The following SMOC1 variants were observed in gnomAD, a reference collection of about 807,000 sequenced individuals.
The protein encoded by SMOC1 is SPARC related modular calcium binding 1, also known as SPARC-related modular calcium-binding protein 1.
A neutral mutation model predicts 56.3 loss-of-function variants in SMOC1; 22 were observed. That is an observed-to-expected ratio of 0.39 (90% CI 0.28 to 0.56). SMOC1 has a LOEUF of 0.56. Among genes scored for constraint, SMOC1 ranks in the 20% least tolerant of loss-of-function variants. The probability of loss-of-function intolerance (pLI) is 0.61; values close to 1 mark genes in which losing one functional copy is unlikely to be tolerated. For synonymous variants in SMOC1, 193 were observed against 215.0 expected (o/e 0.90, Z 0.89); for missense variants, 509 against 565.4 (o/e 0.90, Z 1.01).
chr14:69,897,470 C>T (rs1884129322), intron 1 of SMOC1, among the ~76,000 whole-genome samples: 1 of 151,742 alleles, frequency 6.6e-6, no homozygotes, highest in Non-Finnish European at 1.5e-5. Flanking sequence ...GTTCTTTCTG[C>T]CTATTTTTCT....
intron 3 of SMOC1, among the ~76,000 whole-genome samples, chr14:69,954,446 G>A (rs1437723720): frequency 6.6e-6 from 1 of 152,174 alleles, no homozygotes; most frequent in Non-Finnish European, 1.5e-5. Context: ...TAGGATTATA[G>A]TGTGAACCAT....
chr14:70,030,556 A>AG lies in SMOC1; in HGVS notation c.*301dup. ...TTAGAGGGTTTTGGGGGGGTGGGGG[A>AG]GGGTGTTGTTGGGGCTGAGAAGAAA... On this transcript the variant is annotated 3_prime_UTR_variant, in exon 12 of 12. Transcript: ENST00000361956. 2 of 190,228 alleles carry AG rather than the reference A, an allele frequency of 1.1e-5. No homozygotes were observed. The highest frequency in any genetic ancestry group is 9.5e-5 in the South Asian group (1 of 10,486). The allele number at this position is 190,228 out of a possible 1,614,324, so 11.8% of individuals were successfully genotyped here. A position where few individuals can be genotyped will look rare whatever the true frequency, so the allele number is the denominator to read the frequency against.
chr14:70,018,102 G>A (rs544297106), intron 10 of SMOC1, among the ~76,000 whole-genome samples: 3 of 152,150 alleles, frequency 2.0e-5, no homozygotes, highest in Non-Finnish European at 2.9e-5. Flanking sequence ...CCCAGCTGGT[G>A]CCAGGCCCTG....
intron 3 of SMOC1, among the ~76,000 whole-genome samples, chr14:69,964,380 C>CT (rs57468516): frequency 0.37 from 51,392 of 139,002 alleles, 9,850 homozygotes; most frequent in African/African-American, 0.42. Context: ...CTCTGGTATT[C>CT]TTTTTTTTTT....
At chr14:69,926,307 A>C (rs1885010862) in intron 1 of SMOC1, among the ~76,000 whole-genome samples, 1 of 152,208 alleles carries the variant, frequency 6.6e-6, no homozygotes, top group South Asian at 2.1e-4. Context: ...AGGGCCAATC[A>C]ATCAGCTGCC....
intron 3 of SMOC1, among the ~76,000 whole-genome samples, chr14:69,960,757 A>G (rs1269069056): frequency 1.3e-5 from 2 of 152,168 alleles, no homozygotes; most frequent in Non-Finnish European, 2.9e-5. Context: ...TATTTAGCAC[A>G]TAATTGTTGC....
rs1237994186 is a variant in SMOC1 at position 70,031,889 on chromosome 14, A to T, written c.*1631A>T. ...GCCTCATCTTGTATTCCAACCCGAC[A>T]TCCCTAAAAGTACCTCCACCCGTTC... On this transcript the variant is annotated 3_prime_UTR_variant, in exon 12 of 12. Transcript: ENST00000361956. 6.6e-6 allele frequency: 1 copy of T among 152,406 alleles called. No individual in the cohort carries two copies. The allele number at this position is 152,406 out of a possible 1,614,324, so 9.4% of individuals were successfully genotyped here. A position where few individuals can be genotyped will look rare whatever the true frequency, so the allele number is the denominator to read the frequency against.
intron 1 of SMOC1, among the ~76,000 whole-genome samples, chr14:69,913,453 G>GGC (rs1555358733): frequency 6.9e-6 from 1 of 145,902 alleles, no homozygotes; most frequent in Non-Finnish European, 1.5e-5. Flanking sequence ...ACAATGAATT[G>GGC]GCGTGTGTGT....
intron 1 of SMOC1, among the ~76,000 whole-genome samples, chr14:69,918,232 A>ATTTT (rs571675140): frequency 6.8e-6 from 1 of 146,010 alleles, no homozygotes; most frequent in Non-Finnish European, 1.5e-5. Context: ...ATATATATAT[A>ATTTT]TATATTTTTT....
intron 1 of SMOC1, among the ~76,000 whole-genome samples, chr14:69,894,033 C>T (rs866866224): frequency 3.3e-5 from 5 of 152,202 alleles, no homozygotes; most frequent in African/African-American, 9.6e-5. Flanking sequence ...GCATCTTGAT[C>T]TTGAACTTCC....
intron 4 of SMOC1, among the ~76,000 whole-genome samples, chr14:69,976,068 C>T (rs1432475147): frequency 6.6e-6 from 1 of 152,214 alleles, no homozygotes; most frequent in Non-Finnish European, 1.5e-5. Flanking sequence ...TAAGCACTGG[C>T]TGTAATCTCA....
intron 1 of SMOC1, among the ~76,000 whole-genome samples, chr14:69,882,803 C>T (rs1214445974): frequency 6.6e-6 from 1 of 152,130 alleles, no homozygotes; most frequent in Non-Finnish European, 1.5e-5. Context: ...GATTTATCTC[C>T]AGAGCTCAGC....
intron 5 of SMOC1, among the ~76,000 whole-genome samples, chr14:69,987,058 T>A (rs996560249): frequency 1.3e-5 from 2 of 152,216 alleles, no homozygotes. Context: ...AAACAGACAC[T>A]GTTGTCTCCT....
In SMOC1 at chr14:69,999,210, CAT is replaced by C. The variant is rs766905204; in HGVS notation, c.664+4731_664+4732del. ...CTGCTCTTCTAGGCCTGCTTCAGGC[CAT>C]TTGGCCACGTCTTGGATTGCTTCTT... On this transcript the variant is annotated intron_variant, in intron 7 of 11. Coordinates refer to ENST00000361956, the MANE Select transcript of SMOC1 (RefSeq NM_001034852.3). 1.3e-4 allele frequency among the ~76,000 whole-genome samples: 20 copies of C among 152,266 alleles called. No individual in the cohort carries two copies. The South Asian group carries it at 3.7e-3, about 28-fold the overall frequency.
chr14:69,984,484 A>G (rs985492130), intron 5 of SMOC1, among the ~76,000 whole-genome samples: 4 of 152,334 alleles, frequency 2.6e-5, no homozygotes, highest in African/African-American at 9.6e-5. Context: ...CGTCTATCCA[A>G]CATAGGACTC....
At chr14:69,984,637 G>T (rs1340755320) in intron 5 of SMOC1, among the ~76,000 whole-genome samples, 1 of 151,686 alleles carries the variant, frequency 6.6e-6, no homozygotes, top group African/African-American at 2.4e-5. Context: ...GAGGCCAGGG[G>T]TTCAAGACCA....
chr14:69,915,969 T>C (rs1401754990), intron 1 of SMOC1, among the ~76,000 whole-genome samples: 1 of 152,212 alleles, frequency 6.6e-6, no homozygotes, highest in Admixed American at 6.5e-5. Flanking sequence ...AATTTTATGG[T>C]TTAAATAGCA....
chr14:69,986,217 T>C (rs1029845763), intron 5 of SMOC1, among the ~76,000 whole-genome samples: 1 of 152,164 alleles, frequency 6.6e-6, no homozygotes, highest in African/African-American at 2.4e-5. Context: ...ATTATAGAGA[T>C]GGAGAACAGA....
intron 1 of SMOC1, among the ~76,000 whole-genome samples, chr14:69,942,911 C>T (rs1882619131): frequency 6.6e-6 from 1 of 152,148 alleles, no homozygotes; most frequent in African/African-American, 2.4e-5. Context: ...TTGTCAAACC[C>T]ATGGGTTCTC....
Sources: gnomAD v4.1 joint callset for allele counts (sites outside exome capture counted in the v4.1 genomes callset) on GRCh38, gnomAD v4.1.1 for gene constraint, MANE v1.5 for transcripts, NCBI Gene and HGNC (gene_info 2026-07-23, HGNC 2026-07-21) for gene names.